The following HELLS variants were observed in gnomAD, a reference collection of about 807,000 sequenced individuals.
HELLS encodes the protein lymphoid-specific helicase.
In HELLS, 32 loss-of-function variants were observed where a neutral mutation model predicts 120.0. That is an observed-to-expected ratio of 0.27 (90% confidence interval 0.20 to 0.36). The LOEUF is 0.36. Ranked by LOEUF, HELLS falls within the 10% of genes least tolerant of loss-of-function variation. The pLI is 1.00. For missense variants in HELLS, 650 were observed against 993.4 expected, an observed-to-expected ratio of 0.65 and a Z score of 4.65; for synonymous variants, 341 against 323.4, an observed-to-expected ratio of 1.05 and a Z score of -0.58.
intron 18 of HELLS, among the ~76,000 whole-genome samples, chr10:94,594,009 C>G (rs1006593046): frequency 3.8e-5 from 5 of 132,806 alleles, no homozygotes; most frequent in African/African-American, 1.4e-4. Flanking sequence ...GAGTTTTGCT[C>G]TTGTTGCCCA....
At chr10:94,605,072 TCCCC>T (rs3054948), downstream of HELLS, among the ~76,000 whole-genome samples, 1 of 66,824 alleles carries the variant, frequency 1.5e-5, no homozygotes, top group African/African-American at 7.6e-5. Flanking sequence ...GTCTTGTGTC[TCCCC>T]CCCCCCCCCT....
In HELLS at chr10:94,562,952, A is replaced by G. The variant is rs1589715556; in HGVS notation, c.435+76A>G. 6.0e-5 allele frequency: 50 copies of G among 836,726 alleles called. No individual in the cohort carries two copies. In the East Asian group the frequency reaches 1.2e-3, roughly 20 times the overall value. 51.8% of individuals were successfully genotyped at this position (836,726 alleles called of 1,614,324 possible). On this transcript the variant is annotated intron_variant, in intron 6 of 21. Coordinates refer to ENST00000348459, the MANE Select transcript of HELLS (RefSeq NM_018063.5). Reference sequence around the variant, plus strand: ...AGGTTTTAAACCACCTTAAATCTGTAAAGATTGAATATTCAATATCACATG... The same window carrying G: ...AGGTTTTAAACCACCTTAAATCTGTGAAGATTGAATATTCAATATCACATG...
At chr10:94,597,473 A>T (rs187748004) in intron 21 of HELLS, among the ~76,000 whole-genome samples, 1 of 152,318 alleles carries the variant, frequency 6.6e-6, no homozygotes, top group African/African-American at 2.4e-5. Flanking sequence ...ATTAATCAAG[A>T]TAATGTTATA....
intron 11 of HELLS, among the ~76,000 whole-genome samples, chr10:94,581,984 T>C (rs1844892575): frequency 6.6e-6 from 1 of 152,192 alleles, no homozygotes; most frequent in African/African-American, 2.4e-5. Context: ...GTTTTAATTC[T>C]GGAAACTGTT....
At chr10:94,603,741 C>A (rs952563131), downstream of HELLS, among the ~76,000 whole-genome samples, 2 of 152,108 alleles carry the variant, frequency 1.3e-5, no homozygotes, top group African/African-American at 4.8e-5. Context: ...TTATTTAAAC[C>A]AAAAATCTTA....
rs543272826 is a variant in HELLS at position 94,601,601 on chromosome 10, C to T, written c.2496C>T (p.Ser832=). 5.1e-6 allele frequency: 8 copies of T among 1,571,190 alleles called. No homozygotes were observed. The South Asian group carries it at 6.8e-5, about 13-fold the overall frequency. ...IFKILENSED[S]SPECLF ...AGATATTAGAAAATTCTGAAGATTC[C>T]AGTCCTGAATGTTTGTTTTAAAGTG... The change falls in exon 22 of 22, where the codon TCC becomes TCT. Residue 832 remains serine, a synonymous_variant. Coordinates refer to ENST00000348459, the MANE Select transcript of HELLS (RefSeq NM_018063.5).
intron 12 of HELLS, among the ~76,000 whole-genome samples, chr10:94,586,678 T>TTTA (rs202244807): frequency 1.3e-5 from 2 of 151,982 alleles, no homozygotes; most frequent in Admixed American, 6.6e-5. Context: ...CAATTATTTG[T>TTTA]TTATTATTAT....
chr10:94,551,803 G>A (rs1445757998), intron 2 of HELLS, among the ~76,000 whole-genome samples: 1 of 150,980 alleles, frequency 6.6e-6, no homozygotes, highest in East Asian at 2.0e-4. Flanking sequence ...GCAGTGGCGC[G>A]ATCTCGGCTC....
chr10:94,574,724 A>G lies in HELLS; in HGVS notation c.876A>G (p.Arg292=). Residue 292 remains arginine, a synonymous_variant, in exon 9 of 22, where the codon AGA becomes AGG. Transcript: ENST00000348459. ...TLPNWMAEFK[R]FTPDIPTMLY... ...CTAACTGGATGGCTGAATTCAAAAGATTTACACCAGATGTAAGACATGCTT... is the reference window on the plus strand; with the variant it reads ...CTAACTGGATGGCTGAATTCAAAAGGTTTACACCAGATGTAAGACATGCTT... 1.2e-6 allele frequency: 2 copies of G among 1,612,290 alleles called. No homozygotes were observed. Among genetic ancestry groups the G allele is most frequent in the Non-Finnish European group, 1.7e-6 (2 of 1,178,978 alleles).
chr10:94,570,162 C>A (rs1844069886), intron 6 of HELLS: 1 of 151,902 alleles, frequency 6.6e-6, no homozygotes, highest in African/African-American at 2.4e-5. Context: ...CCACCTCATC[C>A]TCCTGAGTAG....
exon 10 of HELLS, chr10:94,610,451 C>T (rs545961232): frequency 1.6e-4 from 25 of 151,970 alleles, no homozygotes; most frequent in African/African-American, 4.8e-4. Flanking sequence ...AAAAAAAGAC[C>T]TCATTTGTTA....
At chr10:94,546,521 C>G (rs1358441192) in intron 2 of HELLS, 23 bp downstream of exon 2, 1 of 1,613,460 alleles carries the variant, frequency 6.2e-7, no homozygotes, top group South Asian at 1.1e-5. Flanking sequence ...TCAGGTTCGT[C>G]GTCGTGAAAG....
At chr10:94,566,978 A>T (rs1347136046) in intron 6 of HELLS, among the ~76,000 whole-genome samples, 2 of 151,858 alleles carry the variant, frequency 1.3e-5, no homozygotes, top group Non-Finnish European at 2.9e-5. Flanking sequence ...TCTTTCATTT[A>T]CTGTTACTTC....
intron 6 of HELLS, chr10:94,569,185 A>C (rs1166789955): frequency 6.7e-6 from 1 of 148,712 alleles, no homozygotes; most frequent in Non-Finnish European, 1.5e-5. Flanking sequence ...GCTCAGCAAG[A>C]CTTTTTTTTT....
intron 3 of HELLS, among the ~76,000 whole-genome samples, 153 bp from the exon 4 acceptor site, chr10:94,557,986 C>G (rs958333271): frequency 3.3e-5 from 5 of 152,078 alleles, no homozygotes; most frequent in Admixed American, 3.3e-4. Flanking sequence ...CCCATTAGTC[C>G]ATAAAGGCTT....
At chr10:94,604,603 G>T (rs1344608951), downstream of HELLS, among the ~76,000 whole-genome samples, 1 of 152,046 alleles carries the variant, frequency 6.6e-6, no homozygotes, top group Non-Finnish European at 1.5e-5. Flanking sequence ...ATACCTTCTT[G>T]AAAAGCCTGC....
At chr10:94,561,917 T>A (rs961062128) in intron 4 of HELLS, among the ~76,000 whole-genome samples, 7 of 151,916 alleles carry the variant, frequency 4.6e-5, no homozygotes, top group Admixed American at 1.3e-4. Context: ...TTGAAGGGTA[T>A]TCCTTCAATA....
At chr10:94,591,461 G>T (rs1001225899) in intron 15 of HELLS, among the ~76,000 whole-genome samples, 8 of 152,154 alleles carry the variant, frequency 5.3e-5, no homozygotes, top group Non-Finnish European at 1.0e-4. Flanking sequence ...AATCACAGTT[G>T]TTTCAAGGTA....
rs570291246 is a variant in HELLS at position 94,577,935 on chromosome 10, C to T, written c.1032+1130C>T. On this transcript the variant is annotated intron_variant, in intron 10 of 21. Transcript: ENST00000348459. The stretch of plus-strand genomic sequence containing the variant: ...AAAATTAGCCGGGCGCGGTGGCGGG[C>T]GCCTGTAGTCCCAGCTACTCGGGAG... 1.6e-3 allele frequency among the ~76,000 whole-genome samples: 250 copies of T among 152,132 alleles called. 1 individual carries two copies. The highest frequency in any genetic ancestry group is 3.7e-3 in the South Asian group (18 of 4,818).
Sources: gnomAD v4.1 joint callset for allele counts (sites outside exome capture counted in the v4.1 genomes callset) on GRCh38, gnomAD v4.1.1 for gene constraint, MANE v1.5 for transcripts, NCBI Gene and HGNC (gene_info 2026-07-23, HGNC 2026-07-21) for gene names.